The following ARL17A variants were observed in gnomAD, a reference collection of about 807,000 sequenced individuals.
The protein encoded by ARL17A is ARF like GTPase 17A.
intron 3 of ARL17A, among the ~76,000 whole-genome samples, chr17:46,545,054 T>C (rs2056068994): frequency 7.2e-6 from 1 of 138,246 alleles, no homozygotes; most frequent in African/African-American, 2.8e-5. Flanking sequence ...GCATAGGTGA[T>C]GTATCCTTCC....
chr17:46,542,536 T>C (rs1422224897), intron 3 of ARL17A, among the ~76,000 whole-genome samples: 2 of 147,660 alleles, frequency 1.4e-5, no homozygotes, highest in African/African-American at 2.6e-5. Flanking sequence ...GATATAGATA[T>C]ATATATAAAT....
At chr17:46,568,838 A>G (rs1267596346) in intron 3 of ARL17A, among the ~76,000 whole-genome samples, 2 of 120,968 alleles carry the variant, frequency 1.7e-5, no homozygotes, top group Non-Finnish European at 3.4e-5. Context: ...GCTGTAGAAT[A>G]AAAGACTAAA....
chr17:46,534,896 C>A (rs1416530175), intron 4 of ARL17A, among the ~76,000 whole-genome samples: 1 of 149,674 alleles, frequency 6.7e-6, no homozygotes, highest in Admixed American at 6.6e-5. Flanking sequence ...GACGGGGCGG[C>A]TGCTGGGCGG....
chr17:46,558,823 G>C (rs1379292509), intron 3 of ARL17A: 1 of 123,230 alleles, frequency 8.1e-6, no homozygotes, highest in African/African-American at 3.1e-5. Context: ...CAGAAAAAGG[G>C]ACCTCTTTTA....
downstream of ARL17A, chr17:46,549,105 A>G: frequency 1.2e-6 from 2 of 1,611,874 alleles, no homozygotes; most frequent in South Asian, 1.1e-5. Context: ...CCAAAGTCAA[A>G]AAGAGTCCAA....
At position 46,555,627 on chromosome 17, in the gene ARL17A, AAAC is replaced by A. The variant is rs781130172; in HGVS notation, c.*1726_*1728del. ...GGCCTCCTGCAAAAATACATAGAAT[AAAC>A]AACAACAGTTACTAAATGAATGAAA... On this transcript the variant is annotated 3_prime_UTR_variant, in exon 4 of 4. Transcript: ENST00000336125. 1.1e-5 allele frequency: 7 copies of A among 635,950 alleles called. No homozygotes were observed. Among genetic ancestry groups the A allele is most frequent in the Non-Finnish European group, 1.6e-5 (7 of 440,808 alleles). The allele number at this position is 635,950 out of a possible 1,614,324, so 39.4% of individuals were successfully genotyped here.
downstream of ARL17A, among the ~76,000 whole-genome samples, chr17:46,526,987 TCTC>T (rs1406554544): frequency 4.6e-5 from 2 of 43,520 alleles, no homozygotes. Context: ...TTAAAGTGCT[TCTC>T]CTTCATTCCT....
At chr17:46,516,242 G>A (rs2051282461), downstream of ARL17A, among the ~76,000 whole-genome samples, 2 of 136,706 alleles carry the variant, frequency 1.5e-5, no homozygotes, top group Non-Finnish European at 3.3e-5. Context: ...GGCAGAGCTT[G>A]CAGTGAGCCG....
chr17:46,558,723 A>G (rs1307231512), intron 3 of ARL17A: 6 of 136,578 alleles, frequency 4.4e-5, no homozygotes, highest in Non-Finnish European at 7.8e-5. Context: ...ACACCTGTGG[A>G]TCTCTAGCCT....
chr17:46,525,540 T>C (rs2052591402), downstream of ARL17A, among the ~76,000 whole-genome samples: 1 of 111,356 alleles, frequency 9.0e-6, no homozygotes, highest in Non-Finnish European at 2.0e-5. Context: ...TGAGCCGAGA[T>C]GGCACCATTG....
chr17:46,536,911 G>A (rs1259499343), intron 4 of ARL17A, among the ~76,000 whole-genome samples: 5 of 9,436 alleles, frequency 5.3e-4, no homozygotes, highest in African/African-American at 8.0e-4. Flanking sequence ...TGGGGATGTG[G>A]GCTGTTTTCC....
chr17:46,537,077 ATTTTTT>A (rs766255014), intron 4 of ARL17A, among the ~76,000 whole-genome samples: 85 of 34,814 alleles, frequency 2.4e-3, no homozygotes, highest in Admixed American at 5.1e-3. Context: ...ATTGTGGTCA[ATTTTTT>A]TTTTTTTTTT....
intron 3 of ARL17A, among the ~76,000 whole-genome samples, chr17:46,541,483 C>A (rs1478365812): frequency 6.7e-6 from 1 of 149,786 alleles, no homozygotes; most frequent in African/African-American, 2.5e-5. Flanking sequence ...AACTCCTGAC[C>A]TCAAGTGATC....
At position 46,529,208 on chromosome 17, in the gene ARL17A, C is replaced by G. The variant is rs1160381762; in HGVS notation, c.336-349G>C. Among the ~76,000 whole-genome samples, 62 of 130,022 alleles carry G rather than the reference C, an allele frequency of 4.8e-4. 1 individual carries two copies. Among genetic ancestry groups the G allele is most frequent in the African/African-American group, 1.7e-3 (62 of 36,938 alleles). 85.3% of individuals were successfully genotyped at this position (130,022 alleles called of 152,430 possible). A position where few individuals can be genotyped will look rare whatever the true frequency, so the allele number is the denominator to read the frequency against. On this transcript the variant is annotated intron_variant, in intron 4 of 4. Coordinates refer to the ARL17A transcript ENST00000329240. ...AAGAATTTGGAGGGAAAAAAAAGAACAAGCAAGAAATGTTCCCTTATTTTG... is the reference window on the plus strand; with the variant it reads ...AAGAATTTGGAGGGAAAAAAAAGAAGAAGCAAGAAATGTTCCCTTATTTTG...
intron 3 of ARL17A, among the ~76,000 whole-genome samples, chr17:46,568,887 C>T (rs1322223767): frequency 2.3e-5 from 3 of 129,620 alleles, no homozygotes; most frequent in African/African-American, 9.1e-5. Flanking sequence ...AACTCTGATC[C>T]AGATGCAAAC....
chr17:46,500,739 C>A, the ARL17A span, among the ~76,000 whole-genome samples: 1 of 151,014 alleles, frequency 6.6e-6, no homozygotes, highest in East Asian at 1.9e-4. Flanking sequence ...CAATGAGTAG[C>A]AAAGTTTGAA....
chr17:46,548,294 T>A, downstream of ARL17A: 1 of 423,424 alleles, frequency 2.4e-6, no homozygotes, highest in Admixed American at 5.7e-5. Context: ...ATCAAAGCAG[T>A]CTCTTCTTTT....
chr17:46,541,564 A>AT (rs1461616499), intron 3 of ARL17A, among the ~76,000 whole-genome samples: 3 of 150,658 alleles, frequency 2.0e-5, no homozygotes, highest in Non-Finnish European at 4.4e-5. Context: ...ACTCAGCAGA[A>AT]TTTTTTTTGA....
Position 46,534,207 on chromosome 17 carries a change from A to G in ARL17A, c.335+4144T>C, listed in dbSNP as rs558914482. Among the ~76,000 whole-genome samples, 37 of 140,760 alleles carry G rather than the reference A, an allele frequency of 2.6e-4. 1 individual carries two copies. In the South Asian group the frequency reaches 7.8e-3, roughly 30 times the overall value. The allele number at this position is 140,760 out of a possible 152,430, so 92.3% of individuals were successfully genotyped here. On this transcript the variant is annotated intron_variant, in intron 4 of 4. Coordinates refer to the ARL17A transcript ENST00000329240. ...TTTGTTTTTGTTTTTGTTTTTTTTAATTTTTTTTTATTGATCATTCTTGGG... is the reference window on the plus strand; with the variant it reads ...TTTGTTTTTGTTTTTGTTTTTTTTAGTTTTTTTTTATTGATCATTCTTGGG...
Sources: allele counts gnomAD v4.1 joint callset (sites outside exome capture counted in the v4.1 genomes callset), GRCh38; gene constraint gnomAD v4.1.1; transcripts MANE v1.5; gene names NCBI Gene and HGNC (gene_info 2026-07-23, HGNC 2026-07-21).